Variants in ELL observed in about 807,000 individuals in gnomAD.
ELL encodes the protein elongation factor for RNA polymerase II.
A neutral mutation model predicts 64.0 loss-of-function variants in ELL; 18 were observed. That is an observed-to-expected ratio of 0.28 (90% CI 0.19 to 0.42). The LOEUF is 0.42. Among genes scored for constraint, ELL ranks in the 10% least tolerant of loss-of-function variants. The pLI is 1.00. For synonymous variants in ELL, 399 were observed against 376.2 expected, an observed-to-expected ratio of 1.06 and a Z score of -0.70; for missense variants, 797 against 870.4, an observed-to-expected ratio of 0.92 and a Z score of 1.06.
At chr19:18,451,450 C>T (rs1383314869) in intron 7 of ELL, 102 bp downstream of exon 7, 40 of 1,079,746 alleles carry the variant, frequency 3.7e-5, no homozygotes, top group Non-Finnish European at 2.5e-6. Context: ...TGGAGCAGCT[C>T]ATGCTCCAAA....
rs999103635 is a variant in ELL, at chr19:18,449,084, G to A, written c.1465+1393C>T. On this transcript the variant is annotated intron_variant, in intron 8 of 11. Coordinates refer to ENST00000262809, the MANE Select transcript of ELL (RefSeq NM_006532.4). The surrounding 1 kb of genome is among the most constrained non-coding windows in gnomAD (Gnocchi z 4.4). ...ACCCCTGCTTTGCATTTTCTCACCTGTGGTAGAGATGACAGCCCCTGGGCC... is the reference window on the plus strand; with the variant it reads ...ACCCCTGCTTTGCATTTTCTCACCTATGGTAGAGATGACAGCCCCTGGGCC... Among the ~76,000 whole-genome samples, 2 of 152,284 alleles carry A rather than the reference G, an allele frequency of 1.3e-5. No individual in the cohort carries two copies. Among genetic ancestry groups the A allele is most frequent in the South Asian group, 4.1e-4 (2 of 4,824 alleles).
At chr19:18,517,523 T>C (rs1337778935) in intron 1 of ELL, among the ~76,000 whole-genome samples, 1 of 151,970 alleles carries the variant, frequency 6.6e-6, no homozygotes, top group East Asian at 1.9e-4. Flanking sequence ...AGTGCTGGGA[T>C]TACAGGTGTG....
At chr19:18,481,643 G>C (rs1478854462) in intron 1 of ELL, among the ~76,000 whole-genome samples, 1 of 152,124 alleles carries the variant, frequency 6.6e-6, no homozygotes, top group Non-Finnish European at 1.5e-5. Flanking sequence ...CAGGTTCCTG[G>C]AATCTGCTGT....
intron 6 of ELL, among the ~76,000 whole-genome samples, chr19:18,455,805 G>C (rs1232452422): frequency 3.3e-5 from 5 of 150,878 alleles, no homozygotes; most frequent in Admixed American, 2.7e-4. Flanking sequence ...AAAAGAGCAA[G>C]AGATGAAAAC....
chr19:18,461,874 T>C (rs752138025), intron 4 of ELL, 22 bp from the exon 5 acceptor site: 1 of 1,602,930 alleles, frequency 6.2e-7, no homozygotes, highest in South Asian at 1.1e-5. Flanking sequence ...ATCCAAGCTT[T>C]AGGGAACAGA....
chr19:18,521,744 G>A (rs1019326654), intron 1 of ELL, among the ~76,000 whole-genome samples, 177 bp downstream of exon 1: 1 of 152,032 alleles, frequency 6.6e-6, no homozygotes, highest in Non-Finnish European at 1.5e-5. Context: ...GAGAAGGAAC[G>A]CGGTTCTCAG....
chr19:18,477,221 G>A (rs765361229), intron 1 of ELL, among the ~76,000 whole-genome samples: 3 of 152,144 alleles, frequency 2.0e-5, no homozygotes, highest in Non-Finnish European at 4.4e-5. Flanking sequence ...GGAATGAAAC[G>A]GCCACTAGGT....
chr19:18,511,087 G>A (rs565238708), intron 1 of ELL, among the ~76,000 whole-genome samples: 1 of 152,118 alleles, frequency 6.6e-6, no homozygotes, highest in East Asian at 1.9e-4. Flanking sequence ...TTAACATGGT[G>A]AAACCCCATC....
chr19:18,470,265 CACT>C (rs1336796169), intron 2 of ELL, among the ~76,000 whole-genome samples: 1 of 152,260 alleles, frequency 6.6e-6, no homozygotes, highest in East Asian at 1.9e-4. Flanking sequence ...GCAAGGACAC[CACT>C]GTGTGCTTCG....
chr19:18,466,471 G>C (rs546395923), intron 2 of ELL, among the ~76,000 whole-genome samples: 1 of 152,334 alleles, frequency 6.6e-6, no homozygotes, highest in Non-Finnish European at 1.5e-5. Context: ...TTGTGTCCCA[G>C]GGGCTCACAG....
Position 18,450,707 on chromosome 19 carries a change from T to G in ELL, c.1235A>C (p.Glu412Ala). ...GGCTGGGGCAGCCGCCTCTCCGTGC[T>G]CACAGTCTCGGCCGCTGTGGCCCAG... ...NDLGHSGRDC[E>A]HGEAAAPAPT... The change falls in exon 8 of 12, where the codon GAG becomes GCG. Residue 412 changes from glutamate (E) to alanine (A), a missense_variant. By Grantham distance (107) the Glu-to-Ala change is moderately radical (BLOSUM62 -1). Coordinates refer to ENST00000262809, the MANE Select transcript of ELL (RefSeq NM_006532.4). 2 of 1,586,514 alleles carry G rather than the reference T, an allele frequency of 1.3e-6. No homozygotes were observed. Among genetic ancestry groups the G allele is most frequent in the Non-Finnish European group, 1.7e-6 (2 of 1,167,100 alleles).
intron 9 of ELL, 80 bp downstream of exon 9, chr19:18,446,668 T>G: frequency 6.4e-7 from 1 of 1,568,464 alleles, no homozygotes. Flanking sequence ...CTTCTACCTC[T>G]GATAACCTGC....
intron 2 of ELL, 27 bp downstream of exon 2, chr19:18,472,808 A>G: frequency 6.2e-7 from 1 of 1,607,200 alleles, no homozygotes; most frequent in South Asian, 1.1e-5. Context: ...AAGATTCCAA[A>G]TATGAATGAT....
intron 2 of ELL, among the ~76,000 whole-genome samples, chr19:18,466,380 C>T (rs970147589): frequency 2.0e-5 from 3 of 152,212 alleles, no homozygotes; most frequent in Non-Finnish European, 4.4e-5. Context: ...CCCTCCTTGG[C>T]GACCCCCTCT....
rs1490913142 is a variant in ELL, at chr19:18,458,239, C to T, written c.835G>A (p.Gly279Arg). ...ACCCGCTTCAGCAGCTGCTGGTCCC[C>T]CTCCGAGTAGCCAGGCCAGTCCTTC... ...VQKDWPGYSE[G>R]DQQLLKRVLV... is the part of the protein sequence containing the mutation. Residue 279 changes from glycine (G) to arginine (R), a missense_variant, in exon 6 of 12, where the codon GGG becomes AGG. Gly to Arg is a moderately radical substitution (Grantham distance 125, BLOSUM62 -2). Coordinates refer to ENST00000262809, the MANE Select transcript of ELL (RefSeq NM_006532.4). The T allele has an allele frequency of 1.9e-6, 3 of 1,612,116 alleles. No individual in the cohort carries two copies. Among genetic ancestry groups the T allele is most frequent in the Non-Finnish European group, 2.5e-6 (3 of 1,180,036 alleles).
intron 1 of ELL, among the ~76,000 whole-genome samples, chr19:18,518,271 A>G (rs917424709): frequency 1.2e-3 from 183 of 152,252 alleles, no homozygotes; most frequent in South Asian, 1.9e-3. Flanking sequence ...AGGCTGAGGC[A>G]GGGAAATCAC....
chr19:18,518,540 A>G (rs1408236925), intron 1 of ELL, among the ~76,000 whole-genome samples: 8 of 151,650 alleles, frequency 5.3e-5, no homozygotes, highest in Non-Finnish European at 8.8e-5. Flanking sequence ...TTATAATCCC[A>G]GCACTTTGGG....
intron 8 of ELL, chr19:18,448,403 T>C (rs1486172757): frequency 6.6e-6 from 1 of 152,188 alleles, no homozygotes; most frequent in African/African-American, 2.4e-5. Context: ...CCACAAAGTT[T>C]CTAACACTCC....
intron 2 of ELL, chr19:18,471,035 GC>G (rs1975054628): frequency 2.2e-6 from 1 of 453,228 alleles, no homozygotes; most frequent in African/African-American, 2.0e-5. Context: ...GAGCTCTCAG[GC>G]TGTGGACAGA....
Sources: allele counts gnomAD v4.1 joint callset (sites outside exome capture counted in the v4.1 genomes callset), GRCh38; gene constraint gnomAD v4.1.1; non-coding constraint Gnocchi (gnomAD v3.1); transcripts MANE v1.5; gene names NCBI Gene and HGNC (gene_info 2026-07-23, HGNC 2026-07-21).